Variants in ERLIN1 observed in about 807,000 individuals in gnomAD.
ERLIN1 encodes the protein erlin-1.
In ERLIN1, 24 loss-of-function variants were observed where a neutral mutation model predicts 46.9. That is an observed-to-expected ratio of 0.51 (90% CI 0.37 to 0.72). The LOEUF is 0.72. Among genes scored for constraint, ERLIN1 ranks in the 30% least tolerant of loss-of-function variants. The pLI is 0.00. For missense variants in ERLIN1, 293 were observed against 417.9 expected (o/e 0.70, Z 2.61); for synonymous variants, 158 against 143.2 (o/e 1.10, Z -0.74).
intron 7 of ERLIN1, among the ~76,000 whole-genome samples, chr10:100,165,438 G>C (rs962301223): frequency 4.1e-5 from 6 of 147,752 alleles, no homozygotes; most frequent in African/African-American, 1.5e-4. Context: ...CCAGGCTGGA[G>C]TGCAGTGGCA....
chr10:100,173,569 A>G (rs1403295574), intron 6 of ERLIN1, among the ~76,000 whole-genome samples: 1 of 152,184 alleles, frequency 6.6e-6, no homozygotes. Context: ...AAGCAGGGGT[A>G]AAACCTCTCA....
At chr10:100,181,705 C>T (rs1031046849) in intron 2 of ERLIN1, among the ~76,000 whole-genome samples, 5 of 151,952 alleles carry the variant, frequency 3.3e-5, no homozygotes, top group Admixed American at 1.3e-4. Context: ...GTAGACACAG[C>T]GTTTGACCAG....
intron 10 of ERLIN1, among the ~76,000 whole-genome samples, chr10:100,153,433 C>T (rs1232048513): frequency 6.6e-6 from 1 of 152,214 alleles, no homozygotes; most frequent in Non-Finnish European, 1.5e-5. Context: ...CCACTGTTCC[C>T]TGTAACATAT....
At chr10:100,184,745 T>C (rs905057319) in intron 1 of ERLIN1, among the ~76,000 whole-genome samples, 1 of 152,220 alleles carries the variant, frequency 6.6e-6, no homozygotes, top group Admixed American at 6.5e-5. Flanking sequence ...GATATACCAT[T>C]AAAATTGCTC....
intron 2 of ERLIN1, among the ~76,000 whole-genome samples, chr10:100,180,906 A>G (rs1352976373): frequency 1.3e-5 from 2 of 152,228 alleles, no homozygotes; most frequent in Admixed American, 6.5e-5. Flanking sequence ...AAAGGCCATG[A>G]AAGCTGTCAA....
intron 10 of ERLIN1, among the ~76,000 whole-genome samples, chr10:100,153,294 A>G (rs1564795150): frequency 6.6e-6 from 1 of 152,010 alleles, no homozygotes; most frequent in Non-Finnish European, 1.5e-5. Flanking sequence ...TCTAACCAGA[A>G]CCTATCTGGG....
At chr10:100,155,892 AG>A (rs749035157) in intron 9 of ERLIN1, among the ~76,000 whole-genome samples, 1 of 152,234 alleles carries the variant, frequency 6.6e-6, no homozygotes, top group Non-Finnish European at 1.5e-5. Context: ...CTGAAAATAA[AG>A]TGGTAGCTAA....
At chr10:100,180,600 T>C (rs1844580368) in intron 2 of ERLIN1, among the ~76,000 whole-genome samples, 2 of 152,122 alleles carry the variant, frequency 1.3e-5, no homozygotes, top group African/African-American at 4.8e-5. Context: ...GAAGACAACA[T>C]GTGTATAGGC....
At chr10:100,163,655 A>G (rs1449927294) in intron 8 of ERLIN1, among the ~76,000 whole-genome samples, 1 of 152,212 alleles carries the variant, frequency 6.6e-6, no homozygotes. Context: ...ACAAGGATGC[A>G]TACTACAATC....
chr10:100,152,713 T>C (rs991470788), intron 10 of ERLIN1, among the ~76,000 whole-genome samples: 1 of 152,222 alleles, frequency 6.6e-6, no homozygotes, highest in African/African-American at 2.4e-5. Context: ...CTGTTGATTC[T>C]CTTTTCTAAA....
intron 2 of ERLIN1, among the ~76,000 whole-genome samples, chr10:100,181,513 CTTT>C (rs34628060): frequency 1.6e-5 from 2 of 126,964 alleles, no homozygotes; most frequent in East Asian, 2.3e-4. Flanking sequence ...TAAGAACACT[CTTT>C]TTTTTTTTTT....
At position 100,150,915 on chromosome 10, in the gene ERLIN1, C is replaced by T. The variant is rs930795270; in HGVS notation, c.*1216G>A. On this transcript the variant is annotated 3_prime_UTR_variant, in exon 11 of 11. Transcript: ENST00000421367. ...AATTAAATTCACTGGCTGCCCAGGA[C>T]GTCAGTGGAATCCTGATCTCCTGGG... 6.6e-5 allele frequency: 10 copies of T among 152,216 alleles called. No individual in the cohort carries two copies. The highest frequency in any genetic ancestry group is 3.9e-4 in the East Asian group (2 of 5,194). 9.4% of individuals were successfully genotyped at this position (152,216 alleles called of 1,614,324 possible).
chr10:100,181,618 G>A (rs1844653650), intron 2 of ERLIN1, among the ~76,000 whole-genome samples: 2 of 150,512 alleles, frequency 1.3e-5, no homozygotes, highest in Non-Finnish European at 2.9e-5. Context: ...AGGTTCAAGC[G>A]ATTCTCCTGC....
At chr10:100,177,276 C>A (rs1054786975) in intron 4 of ERLIN1, among the ~76,000 whole-genome samples, 17 of 152,044 alleles carry the variant, frequency 1.1e-4, no homozygotes, top group African/African-American at 3.9e-4. Flanking sequence ...AATCATAATC[C>A]ATTCCAGTGA....
At chr10:100,176,105 C>A in intron 4 of ERLIN1, 35 bp from the exon 5 acceptor site, 1 of 1,585,938 alleles carries the variant, frequency 6.3e-7, no homozygotes, top group Non-Finnish European at 8.6e-7. Flanking sequence ...TTGTTTTACC[C>A]AACAATGACA....
chr10:100,165,425 C>T (rs1281216440), intron 7 of ERLIN1, among the ~76,000 whole-genome samples: 6 of 142,320 alleles, frequency 4.2e-5, no homozygotes, highest in South Asian at 2.2e-4. Context: ...CTCACTCTGT[C>T]ACCCAGGCTG....
chr10:100,156,061 C>T, intron 9 of ERLIN1, 84 bp downstream of exon 9: 1 of 814,226 alleles, frequency 1.2e-6, no homozygotes, highest in Non-Finnish European at 2.1e-6. Context: ...GCCTTCTCAC[C>T]CACCACAATC....
At chr10:100,170,927 A>C (rs1455104351) in intron 6 of ERLIN1, among the ~76,000 whole-genome samples, 1 of 152,248 alleles carries the variant, frequency 6.6e-6, no homozygotes, top group Non-Finnish European at 1.5e-5. Flanking sequence ...TGTAACATAA[A>C]AACTATTTCA....
At chr10:100,153,977 C>T (rs1484900499) in intron 10 of ERLIN1, among the ~76,000 whole-genome samples, 9 of 152,144 alleles carry the variant, frequency 5.9e-5, no homozygotes, top group Non-Finnish European at 8.8e-5. Context: ...CTTCTAAATA[C>T]GGATTATGTT....
Sources: allele counts gnomAD v4.1 joint callset (sites outside exome capture counted in the v4.1 genomes callset), GRCh38; gene constraint gnomAD v4.1.1; transcripts MANE v1.5; gene names NCBI Gene and HGNC (gene_info 2026-07-23, HGNC 2026-07-21).